The following RYR2 variants were observed in gnomAD, a reference collection of about 807,000 sequenced individuals.
RYR2 encodes cardiac muscle ryanodine receptor-calcium release channel.
Under a neutral mutation model 601.1 loss-of-function variants are expected in RYR2, and 227 were observed. The observed-to-expected ratio is 0.38, with a 90% CI of 0.34 to 0.42. RYR2 has a LOEUF of 0.42. Among genes scored for constraint, RYR2 ranks in the 10% least tolerant of loss-of-function variants. The pLI, the probability that RYR2 is intolerant of heterozygous loss-of-function variation, is 1.00. For synonymous variants in RYR2, 2,223 were observed against 2,175.1 expected (o/e 1.02, Z -0.61); for missense variants, 4,646 against 6,156.5 (o/e 0.75, Z 8.21).
At chr1:237,328,262 T>G (rs2149554609) in intron 2 of RYR2, among the ~76,000 whole-genome samples, 2 of 152,330 alleles carry the variant, frequency 1.3e-5, no homozygotes, top group African/African-American at 4.8e-5. Flanking sequence ...AATAAACACT[T>G]ACATTAACAG....
rs545208382 is a variant in RYR2 at position 237,044,230 on chromosome 1, A to G, written c.48+1661A>G. Among the ~76,000 whole-genome samples, 17 of 152,182 alleles carry G rather than the reference A, an allele frequency of 1.1e-4. No individual in the cohort carries two copies. The East Asian group carries it at 3.3e-3, about 29-fold the overall frequency. ...TTAACACCACATTAGATTTTTCTCA[A>G]AACTAAGGACTATTTTATTCAGGTG... On this transcript the variant is annotated intron_variant, in intron 1 of 104. Coordinates refer to ENST00000366574, the MANE Select transcript of RYR2 (RefSeq NM_001035.3).
At chr1:237,330,098 T>C (rs1696562347) in intron 2 of RYR2, among the ~76,000 whole-genome samples, 1 of 152,234 alleles carries the variant, frequency 6.6e-6, no homozygotes, top group Admixed American at 6.5e-5. Flanking sequence ...TTTAATTTTT[T>C]TATCAGCAAA....
At position 237,445,479 on chromosome 1, in the gene RYR2, C is replaced by T. The variant is rs564822776; in HGVS notation, c.1249C>T (p.Arg417Ter). The T allele has an allele frequency of 6.2e-7, 1 of 1,613,684 alleles. No individual in the cohort carries two copies. The highest frequency in any genetic ancestry group is 8.5e-7 in the Non-Finnish European group (1 of 1,179,698). Residue 417 changes from arginine (R) to a stop codon, truncating the protein, a stop_gained, in exon 14 of 105, where the codon CGA (arginine) becomes TGA (stop). Transcript: ENST00000366574. LOFTEE classifies it high-confidence loss of function. ...CCAGCATGAAGAATCACGCACAGCC[C>T]GAGTTATCCGGAGCACAGTCTTCCT... ...RSQHEESRTARVIRSTVFLFN... is the reference protein window; with the variant it reads ...RSQHEESRTA
At position 237,654,290 on chromosome 1, in the gene RYR2, A is replaced by G; in HGVS notation, c.7841A>G (p.Tyr2614Cys). 6.2e-7 allele frequency: 1 copy of G among 1,613,900 alleles called. No individual in the cohort carries two copies. The highest frequency in any genetic ancestry group is 8.5e-7 in the Non-Finnish European group (1 of 1,179,840). ...CCCACATAGCTGCTGACAAATCATT[A>G]TGAAAGATGCTGGAAATATTACTGC... ...KMPLKLLTNH[Y>C]ERCWKYYCLP... The change falls in exon 52 of 105, where the codon TAT becomes TGT. Residue 2614 changes from tyrosine (Y) to cysteine (C), a missense_variant. Transcript: ENST00000366574.
Position 237,500,049 on chromosome 1 carries a change from G to A in RYR2, c.2204-662G>A, listed in dbSNP as rs537894378. Among the ~76,000 whole-genome samples, 5 of 152,292 alleles carry A rather than the reference G, an allele frequency of 3.3e-5. No individual in the cohort carries two copies. The East Asian group carries it at 9.6e-4, about 29-fold the overall frequency. Reference sequence around the variant, plus strand: ...TACTTAAGAAGCCAACCAAGATCTTGTGTGAAATAAATGAAAAACTATAGG... The same window carrying A: ...TACTTAAGAAGCCAACCAAGATCTTATGTGAAATAAATGAAAAACTATAGG... On this transcript the variant is annotated intron_variant, in intron 20 of 104. Transcript: ENST00000366574.
intron 43 of RYR2, among the ~76,000 whole-genome samples, 169 bp downstream of exon 43, chr1:237,633,879 A>C (rs1680596281): frequency 6.6e-6 from 1 of 152,236 alleles, no homozygotes; most frequent in Non-Finnish European, 1.5e-5. Flanking sequence ...ATCACTCATC[A>C]TCAGCAAAGT....
intron 95 of RYR2, among the ~76,000 whole-genome samples, chr1:237,794,634 T>C (rs1282872782): frequency 1.3e-5 from 2 of 152,202 alleles, no homozygotes; most frequent in Non-Finnish European, 2.9e-5. Context: ...TAATAGTTTA[T>C]ATTTACTATT....
At chr1:237,053,227 A>G (rs1214774187) in intron 1 of RYR2, among the ~76,000 whole-genome samples, 3 of 152,226 alleles carry the variant, frequency 2.0e-5, no homozygotes, top group African/African-American at 7.2e-5. Flanking sequence ...TCCAAGGCCA[A>G]TGCCCACAGC....
At chr1:237,433,444 G>A (rs1707035802) in intron 12 of RYR2, among the ~76,000 whole-genome samples, 1 of 151,980 alleles carries the variant, frequency 6.6e-6, no homozygotes, top group Admixed American at 6.6e-5. Flanking sequence ...TAATAAAGCA[G>A]CATTGAACTT....
chr1:237,696,986 C>T (rs888567038), intron 63 of RYR2, among the ~76,000 whole-genome samples: 9 of 152,020 alleles, frequency 5.9e-5, no homozygotes. Context: ...TCCCATCCTG[C>T]TCAAAACCTA....
intron 3 of RYR2, among the ~76,000 whole-genome samples, chr1:237,349,852 G>A (rs1255787080): frequency 3.3e-5 from 5 of 152,070 alleles, no homozygotes; most frequent in Non-Finnish European, 7.4e-5. Context: ...GAAGAAAGGA[G>A]GGAAAAGAAG....
At chr1:237,476,162 C>T (rs1050261217) in intron 17 of RYR2, among the ~76,000 whole-genome samples, 2 of 152,148 alleles carry the variant, frequency 1.3e-5, no homozygotes, top group Non-Finnish European at 2.9e-5. Context: ...CCATTTCTTC[C>T]CCTCTCTTAG....
intron 55 of RYR2, 33 bp downstream of exon 55, chr1:237,660,107 G>T: frequency 8.0e-7 from 1 of 1,247,810 alleles, no homozygotes; most frequent in Non-Finnish European, 1.1e-6. Flanking sequence ...AGTTTGTAAA[G>T]TTTTTATTCT....
At chr1:237,442,804 A>G (rs918204434) in intron 13 of RYR2, among the ~76,000 whole-genome samples, 3 of 152,192 alleles carry the variant, frequency 2.0e-5, no homozygotes, top group Admixed American at 6.5e-5. Context: ...GCAGCTAGGT[A>G]TAAGGCTGTG....
In RYR2 at chr1:237,408,407, A is replaced by ATATATATATATAT. The variant is rs56317247; in HGVS notation, c.774-8642_774-8641insTATATATATATAT. On this transcript the variant is annotated intron_variant, in intron 10 of 104. Coordinates refer to ENST00000366574, the MANE Select transcript of RYR2 (RefSeq NM_001035.3). Reference sequence around the variant, plus strand: ...TCTAGATTCTTTATATATATATATAAATGGATATCCAGTCTTTTCAGTACT... The same window carrying ATATATATATATAT: ...TCTAGATTCTTTATATATATATATAATATATATATATATATGGATATCCAGTCTTTTCAGTACT... 5.5e-3 allele frequency among the ~76,000 whole-genome samples: 730 copies of ATATATATATATAT among 132,830 alleles called. 56 individuals are homozygous for ATATATATATATAT. Among genetic ancestry groups the ATATATATATATAT allele is most frequent in the African/African-American group, 0.021 (637 of 30,610 alleles). The allele number at this position is 132,830 out of a possible 152,430, so 87.1% of individuals were successfully genotyped here. A position where few individuals can be genotyped will look rare whatever the true frequency, so the allele number is the denominator to read the frequency against.
At chr1:237,669,674 C>T (rs1415379229) in intron 58 of RYR2, among the ~76,000 whole-genome samples, 1 of 151,262 alleles carries the variant, frequency 6.6e-6, no homozygotes, top group Non-Finnish European at 1.5e-5. Flanking sequence ...GAGGCGGTCC[C>T]CACATCTCAG....
intron 100 of RYR2, among the ~76,000 whole-genome samples, chr1:237,810,352 G>A (rs954761974): frequency 2.0e-5 from 3 of 152,116 alleles, no homozygotes; most frequent in Non-Finnish European, 4.4e-5. Context: ...AATTCAGTGG[G>A]CTTGCAAATT....
At position 237,734,880 on chromosome 1, in the gene RYR2, A is replaced by G. The variant is rs373837997; in HGVS notation, c.11091+1124A>G. Reference sequence around the variant, plus strand: ...AGTATCTCAGGTAAGGCTTATAAATATAGACTTGGAATTTATCAGCATTAG... The same window carrying G: ...AGTATCTCAGGTAAGGCTTATAAATGTAGACTTGGAATTTATCAGCATTAG... On this transcript the variant is annotated intron_variant, in intron 79 of 104. Coordinates refer to ENST00000366574, the MANE Select transcript of RYR2 (RefSeq NM_001035.3). 2.0e-4 allele frequency among the ~76,000 whole-genome samples: 31 copies of G among 152,298 alleles called. No individual in the cohort carries two copies. In the South Asian group the frequency reaches 3.1e-3, roughly 15 times the overall value.
chr1:237,696,843 T>C (rs1366477298), intron 63 of RYR2, among the ~76,000 whole-genome samples: 1 of 152,190 alleles, frequency 6.6e-6, no homozygotes, highest in African/African-American at 2.4e-5. Flanking sequence ...ACCACTGATA[T>C]CCTAATCTGA....
Sources: allele counts gnomAD v4.1 joint callset (sites outside exome capture counted in the v4.1 genomes callset), GRCh38; gene constraint gnomAD v4.1.1; transcripts MANE v1.5; gene names NCBI Gene and HGNC (gene_info 2026-07-23, HGNC 2026-07-21).